CNBD1: variants seen among roughly 807,000 people sequenced by gnomAD.
The protein encoded by CNBD1 is cyclic nucleotide-binding domain-containing protein 1.
A neutral mutation model predicts 54.4 loss-of-function variants in CNBD1; 71 were observed. The observed-to-expected ratio is 1.30, with a 90% CI of 1.08 to 1.59. The LOEUF (loss-of-function observed/expected upper bound fraction) is 1.59, where lower values mean the gene tolerates loss of function less well. Among genes scored for constraint, CNBD1 ranks in the 40% most tolerant of loss-of-function variants. CNBD1 has a pLI of 0.00. For missense variants in CNBD1, 659 were observed against 518.0 expected (o/e 1.27, Z -2.64); for synonymous variants, 182 against 170.7 (o/e 1.07, Z -0.51).
chr8:87,034,739 G>T (rs1307166150), intron 4 of CNBD1, among the ~76,000 whole-genome samples: 3 of 152,030 alleles, frequency 2.0e-5, no homozygotes, highest in Admixed American at 2.0e-4. Flanking sequence ...AGGCTACATA[G>T]TTCATCTGCT....
At chr8:87,090,624 T>C (rs953492193) in intron 4 of CNBD1, among the ~76,000 whole-genome samples, 1 of 152,216 alleles carries the variant, frequency 6.6e-6, no homozygotes, top group Non-Finnish European at 1.5e-5. Flanking sequence ...AAATCTACAC[T>C]GAATGAACTC....
chr8:87,310,792 C>T lies in CNBD1; in HGVS notation c.1042+24121C>T, dbSNP rs114843361. Among the ~76,000 whole-genome samples, 1,122 of 152,094 alleles carry T rather than the reference C, an allele frequency of 7.4e-3. 6 individuals are homozygous for T. Among genetic ancestry groups the T allele is most frequent in the African/African-American group, 0.025 (1,053 of 41,502 alleles). On this transcript the variant is annotated intron_variant, in intron 8 of 10. Transcript: ENST00000518476. The stretch of plus-strand genomic sequence containing the variant: ...AACTGTACAAAACAGACACATGGAC[C>T]AATGGAAAAGAATAGAGAACCTAGA...
intron 2 of CNBD1, among the ~76,000 whole-genome samples, chr8:87,412,835 T>C (rs914513580): frequency 1.3e-5 from 2 of 152,018 alleles, no homozygotes; most frequent in African/African-American, 4.8e-5. Context: ...GTGATGTAAA[T>C]GATTACATTC....
intron 4 of CNBD1, among the ~76,000 whole-genome samples, chr8:87,143,556 A>G (rs566069978): frequency 2.0e-5 from 3 of 152,212 alleles, no homozygotes; most frequent in Non-Finnish European, 4.4e-5. Flanking sequence ...GAAAATGTCA[A>G]ATGAGTATTA....
At chr8:87,024,007 G>C (rs1402822505) in intron 4 of CNBD1, among the ~76,000 whole-genome samples, 1 of 152,072 alleles carries the variant, frequency 6.6e-6, no homozygotes, top group East Asian at 1.9e-4. Context: ...GGAGGCCGAG[G>C]CGGGTGGATC....
intron 4 of CNBD1, among the ~76,000 whole-genome samples, chr8:87,190,870 GA>G (rs1242575884): frequency 0.027 from 3,937 of 144,764 alleles, 184 homozygotes; most frequent in African/African-American, 0.085. Flanking sequence ...TATCTAAATA[GA>G]TATAGATACA....
chr8:86,887,834 C>A (rs1808704004), intron 2 of CNBD1, among the ~76,000 whole-genome samples: 1 of 152,112 alleles, frequency 6.6e-6, no homozygotes, highest in African/African-American at 2.4e-5. Context: ...AAACATAACT[C>A]ATTCCTAGCT....
At chr8:86,923,834 G>C (rs777344136) in intron 3 of CNBD1, among the ~76,000 whole-genome samples, 8 of 152,164 alleles carry the variant, frequency 5.3e-5, no homozygotes, top group Admixed American at 1.3e-4. Flanking sequence ...ATCATAGAAG[G>C]ACAGGTGACA....
intron 6 of CNBD1, among the ~76,000 whole-genome samples, chr8:87,258,227 G>C (rs547493405): frequency 6.6e-6 from 1 of 151,970 alleles, no homozygotes; most frequent in African/African-American, 2.4e-5. Context: ...ACTTGATATT[G>C]TAAACTAGAA....
intron 4 of CNBD1, among the ~76,000 whole-genome samples, chr8:87,172,753 C>T (rs1469868261): frequency 2.6e-5 from 4 of 151,698 alleles, no homozygotes; most frequent in Non-Finnish European, 5.9e-5. Context: ...TATTTTCAGT[C>T]TGTGTGTATC....
chr8:87,086,229 T>G (rs1811093416), intron 4 of CNBD1, among the ~76,000 whole-genome samples: 1 of 152,216 alleles, frequency 6.6e-6, no homozygotes, highest in Non-Finnish European at 1.5e-5. Context: ...GCTGGGTTTT[T>G]CTTACTGGGT....
At chr8:87,127,636 T>C (rs1331422822) in intron 4 of CNBD1, among the ~76,000 whole-genome samples, 2 of 152,156 alleles carry the variant, frequency 1.3e-5, no homozygotes, top group Non-Finnish European at 2.9e-5. Flanking sequence ...TGTCTCTATA[T>C]CACTTTTTCT....
At chr8:87,388,679 G>T (rs1811242994) in intron 2 of CNBD1, among the ~76,000 whole-genome samples, 4 of 152,126 alleles carry the variant, frequency 2.6e-5, no homozygotes. Context: ...GGTACAAGGA[G>T]GAGCTGGTAC....
intron 2 of CNBD1, among the ~76,000 whole-genome samples, chr8:86,894,268 A>C (rs547725333): frequency 8.7e-5 from 13 of 149,876 alleles, no homozygotes; most frequent in Admixed American, 2.0e-4. Context: ...TCACCTTGTT[A>C]GCCAGGATGG....
intron 5 of CNBD1, among the ~76,000 whole-genome samples, chr8:87,233,510 T>C (rs922525145): frequency 6.6e-6 from 1 of 152,214 alleles, no homozygotes; most frequent in Non-Finnish European, 1.5e-5. Flanking sequence ...TAAAAAATAC[T>C]AATGACTACG....
At chr8:87,337,595 G>A (rs1347515512) in intron 8 of CNBD1, among the ~76,000 whole-genome samples, 2 of 152,210 alleles carry the variant, frequency 1.3e-5, no homozygotes, top group Admixed American at 1.3e-4. Flanking sequence ...CAAGGCCCTG[G>A]TGACATGGGC....
At chr8:87,162,422 T>C (rs903469423) in intron 4 of CNBD1, among the ~76,000 whole-genome samples, 3 of 152,116 alleles carry the variant, frequency 2.0e-5, no homozygotes, top group Admixed American at 1.3e-4. Context: ...GCTTTAAGTA[T>C]CTGCATAAGT....
chr8:87,202,343 G>A (rs1813881205), intron 4 of CNBD1, among the ~76,000 whole-genome samples: 1 of 152,112 alleles, frequency 6.6e-6, no homozygotes, highest in South Asian at 2.1e-4. Context: ...CAGAAGATTA[G>A]AATAATAACC....
chr8:87,327,460 C>G (rs536472419), intron 8 of CNBD1, among the ~76,000 whole-genome samples: 2 of 152,184 alleles, frequency 1.3e-5, no homozygotes, highest in Non-Finnish European at 2.9e-5. Context: ...AGCGAGATTC[C>G]GTGGGCGTAG....
Sources: gnomAD v4.1 joint callset for allele counts (sites outside exome capture counted in the v4.1 genomes callset) on GRCh38, gnomAD v4.1.1 for gene constraint, MANE v1.5 for transcripts, NCBI Gene and HGNC (gene_info 2026-07-23, HGNC 2026-07-21) for gene names.